The following DDAH1 variants were observed in gnomAD, a reference collection of about 807,000 sequenced individuals.
DDAH1 encodes the protein dimethylarginine dimethylaminohydrolase 1, also known as N(G),N(G)-dimethylarginine dimethylaminohydrolase 1.
A neutral mutation model predicts 28.8 loss-of-function variants in DDAH1; 19 were observed. The ratio of observed to expected loss-of-function variants is 0.66; its 90% confidence interval spans 0.46 to 0.97. DDAH1 has a LOEUF of 0.97. Ranked by LOEUF, DDAH1 falls within the 50% of genes least tolerant of loss-of-function variation. The pLI is 0.00. For synonymous variants in DDAH1, 153 were observed against 154.4 expected (o/e 0.99, Z 0.07); for missense variants, 326 against 375.9 (o/e 0.87, Z 1.10).
intron 1 of DDAH1, among the ~76,000 whole-genome samples, chr1:85,439,293 T>C (rs2100649774): frequency 6.6e-6 from 1 of 152,352 alleles, no homozygotes; most frequent in South Asian, 2.1e-4. Flanking sequence ...TGCATTCTGC[T>C]AGAACTGTGG....
At chr1:85,475,768 G>C (rs1002078150) in intron 2 of DDAH1, among the ~76,000 whole-genome samples, 2 of 152,160 alleles carry the variant, frequency 1.3e-5, no homozygotes, top group Non-Finnish European at 2.9e-5. Flanking sequence ...ACTTCTAGTG[G>C]CTTTATGGAG....
At chr1:85,391,946 C>T (rs1405260839) in intron 1 of DDAH1, among the ~76,000 whole-genome samples, 1 of 152,058 alleles carries the variant, frequency 6.6e-6, no homozygotes, top group Non-Finnish European at 1.5e-5. Flanking sequence ...CAGTTGTTAT[C>T]CTGTAGGTAG....
At chr1:85,529,981 G>A (rs1205543435) in intron 1 of DDAH1, among the ~76,000 whole-genome samples, 1 of 139,180 alleles carries the variant, frequency 7.2e-6, no homozygotes, top group African/African-American at 2.7e-5. Context: ...ACAGCTCTGT[G>A]GGAAGGACCC....
chr1:85,397,429 T>C (rs2100568308), intron 1 of DDAH1, among the ~76,000 whole-genome samples: 1 of 152,300 alleles, frequency 6.6e-6, no homozygotes, highest in East Asian at 1.9e-4. Context: ...CAAGAATTAA[T>C]TACATTAGAC....
chr1:85,351,441 C>T (rs879075995), intron 3 of DDAH1, 65 bp downstream of exon 3: 28 of 1,282,446 alleles, frequency 2.2e-5, no homozygotes, highest in Middle Eastern at 3.6e-4. Flanking sequence ...GACATTGATT[C>T]AATGGTTCTA....
rs1469716581 is a variant in DDAH1 at position 85,358,637 on chromosome 1, ACT to A, written c.403+109_403+110del. On this transcript the variant is annotated intron_variant, in intron 2 of 5. Transcript: ENST00000284031. ...GCACTCCGGCCTAGGTGACAGCGAGACTCTGTCTCAAAAACAAAAACAAAAAA... is the reference window on the plus strand; with the variant it reads ...GCACTCCGGCCTAGGTGACAGCGAGACTGTCTCAAAAACAAAAACAAAAAA... The A allele has an allele frequency of 1.7e-5, 14 of 810,632 alleles. No individual in the cohort carries two copies. In the East Asian group the frequency reaches 3.5e-4, roughly 21 times the overall value. The allele number at this position is 810,632 out of a possible 1,614,324, so 50.2% of individuals were successfully genotyped here.
intron 4 of DDAH1, among the ~76,000 whole-genome samples, chr1:85,344,682 C>T (rs1408338579): frequency 6.7e-6 from 1 of 149,586 alleles, no homozygotes; most frequent in Non-Finnish European, 1.5e-5. Flanking sequence ...AGTTAAAAAT[C>T]ATTACTGAGA....
intron 2 of DDAH1, among the ~76,000 whole-genome samples, chr1:85,357,501 A>C (rs1271491033): frequency 1.3e-5 from 2 of 152,254 alleles, no homozygotes; most frequent in Non-Finnish European, 2.9e-5. Context: ...CAAAGTAAGT[A>C]ATGCAAAACA....
intron 1 of DDAH1, among the ~76,000 whole-genome samples, chr1:85,393,944 A>C (rs571371150): frequency 1.3e-3 from 197 of 152,366 alleles, no homozygotes; most frequent in African/African-American, 4.5e-3. Context: ...AAAAGCTCTA[A>C]GATCTGCTTC....
chr1:85,478,543 A>C (rs1184778565), intron 2 of DDAH1, among the ~76,000 whole-genome samples: 4 of 151,584 alleles, frequency 2.6e-5, no homozygotes, highest in Non-Finnish European at 5.9e-5. Context: ...AGATCTCATG[A>C]GACTTATTCA....
intron 1 of DDAH1, among the ~76,000 whole-genome samples, chr1:85,539,278 C>T: frequency 6.6e-6 from 1 of 152,222 alleles, no homozygotes; most frequent in South Asian, 2.1e-4. Flanking sequence ...TCCCATGTAG[C>T]TGGGATGACA....
At chr1:85,326,281 A>C (rs1347226759) in intron 4 of DDAH1, among the ~76,000 whole-genome samples, 1 of 152,238 alleles carries the variant, frequency 6.6e-6, no homozygotes, top group Non-Finnish European at 1.5e-5. Context: ...GAGCTTATGC[A>C]CTGTATGAAA....
intron 1 of DDAH1, among the ~76,000 whole-genome samples, chr1:85,392,502 A>T (rs928379594): frequency 6.6e-6 from 1 of 152,128 alleles, no homozygotes; most frequent in Non-Finnish European, 1.5e-5. Flanking sequence ...TTGTTAGAAA[A>T]TGAACCCGTG....
intron 1 of DDAH1, among the ~76,000 whole-genome samples, chr1:85,440,248 T>C (rs988924504): frequency 4.6e-5 from 7 of 152,258 alleles, no homozygotes; most frequent in African/African-American, 1.7e-4. Flanking sequence ...TTATACTTTT[T>C]CCAAATCAAC....
chr1:85,427,030 T>G (rs1252004172), intron 1 of DDAH1, among the ~76,000 whole-genome samples: 1 of 151,980 alleles, frequency 6.6e-6, no homozygotes, highest in Non-Finnish European at 1.5e-5. Flanking sequence ...GTTAGTTCAA[T>G]TTCCTTATTT....
chr1:85,453,329 T>C (rs1654749604), intron 1 of DDAH1, among the ~76,000 whole-genome samples: 1 of 152,102 alleles, frequency 6.6e-6, no homozygotes, highest in Non-Finnish European at 1.5e-5. Flanking sequence ...CAAAGAAAAA[T>C]GCAGACATGG....
intron 1 of DDAH1, among the ~76,000 whole-genome samples, chr1:85,567,271 G>A (rs1659331189): frequency 6.6e-6 from 1 of 152,166 alleles, no homozygotes; most frequent in Non-Finnish European, 1.5e-5. Flanking sequence ...ATATGGTTTG[G>A]CTCTGTGTCC....
At chr1:85,391,861 A>G (rs1422925963) in intron 1 of DDAH1, among the ~76,000 whole-genome samples, 1 of 152,242 alleles carries the variant, frequency 6.6e-6, no homozygotes, top group African/African-American at 2.4e-5. Flanking sequence ...CAGGGAAAAC[A>G]TTATAAACAG....
At chr1:85,434,440 G>A (rs1653839609) in intron 1 of DDAH1, among the ~76,000 whole-genome samples, 1 of 151,308 alleles carries the variant, frequency 6.6e-6, no homozygotes, top group African/African-American at 2.4e-5. Flanking sequence ...TTTGAGACAG[G>A]GTGTCTCTCT....
Sources: allele counts gnomAD v4.1 joint callset (sites outside exome capture counted in the v4.1 genomes callset), GRCh38; gene constraint gnomAD v4.1.1; transcripts MANE v1.5; gene names NCBI Gene and HGNC (gene_info 2026-07-23, HGNC 2026-07-21).